The following UBE2E2 variants were observed in gnomAD, a reference collection of about 807,000 sequenced individuals.
UBE2E2 encodes ubiquitin conjugating enzyme E2 E2.
Under a neutral mutation model 24.7 loss-of-function variants are expected in UBE2E2, and 6 were observed. That is an observed-to-expected ratio of 0.24 (90% confidence interval 0.13 to 0.48). The LOEUF (loss-of-function observed/expected upper bound fraction) is 0.48, where lower values mean the gene tolerates loss of function less well. UBE2E2 is among the 20% of genes least tolerant of loss of function. The pLI is 0.99. For missense variants in UBE2E2, 169 were observed against 245.0 expected (o/e 0.69, Z 2.07); for synonymous variants, 104 against 83.6 (o/e 1.24, Z -1.33).
chr3:23,263,617 A>G (rs1420526258), intron 3 of UBE2E2, among the ~76,000 whole-genome samples: 4 of 152,168 alleles, frequency 2.6e-5, no homozygotes, highest in Non-Finnish European at 5.9e-5. Flanking sequence ...AAGAGCTACA[A>G]TGATTTGATG....
intron 2 of UBE2E2, among the ~76,000 whole-genome samples, chr3:23,216,588 G>T (rs569215962): frequency 6.6e-6 from 1 of 152,042 alleles, no homozygotes; most frequent in Admixed American, 6.6e-5. Context: ...AAACAGTGGC[G>T]CACTTTCAGC....
At chr3:23,217,835 A>G (rs1267085830) in intron 3 of UBE2E2, among the ~76,000 whole-genome samples, 2 of 152,110 alleles carry the variant, frequency 1.3e-5, no homozygotes, top group African/African-American at 4.8e-5. Context: ...CTTTATGATC[A>G]TGACCTCGAA....
At chr3:23,299,226 A>G (rs1699002516) in intron 3 of UBE2E2, among the ~76,000 whole-genome samples, 1 of 152,126 alleles carries the variant, frequency 6.6e-6, no homozygotes, top group African/African-American at 2.4e-5. Flanking sequence ...GATGTTTTCA[A>G]AAAACCAGCT....
At chr3:23,531,974 A>G (rs1291640061) in intron 4 of UBE2E2, among the ~76,000 whole-genome samples, 2 of 151,556 alleles carry the variant, frequency 1.3e-5, no homozygotes, top group East Asian at 3.9e-4. Flanking sequence ...AGGCAGGACA[A>G]TCGCTTGAAC....
intron 4 of UBE2E2, among the ~76,000 whole-genome samples, chr3:23,510,263 C>T (rs1469060392): frequency 1.3e-5 from 2 of 151,828 alleles, no homozygotes; most frequent in African/African-American, 4.8e-5. Flanking sequence ...CTTGTCCTGC[C>T]AAAAATAAGG....
chr3:23,223,317 T>G (rs779907213), intron 3 of UBE2E2, among the ~76,000 whole-genome samples: 6 of 151,692 alleles, frequency 4.0e-5, no homozygotes, highest in Non-Finnish European at 7.4e-5. Flanking sequence ...CTCAGCCTCC[T>G]GAATAACTGG....
chr3:23,389,040 A>G (rs547664235), intron 3 of UBE2E2, among the ~76,000 whole-genome samples: 23 of 152,102 alleles, frequency 1.5e-4, no homozygotes, highest in Admixed American at 3.3e-4. Context: ...AGAAAAAAAC[A>G]TAATTCAGCA....
Position 23,228,777 on chromosome 3 carries a change from A to G in UBE2E2, c.227+11465A>G, listed in dbSNP as rs572632204. 7.2e-5 allele frequency among the ~76,000 whole-genome samples: 11 copies of G among 152,330 alleles called. No individual in the cohort carries two copies. In the East Asian group the frequency reaches 2.1e-3, roughly 29 times the overall value. Reference sequence around the variant, plus strand: ...TATATCTCAATCCGTATTTGTGTAGAGGCAGCACTTTCTTCTAAAACGTTT... The same window carrying G: ...TATATCTCAATCCGTATTTGTGTAGGGGCAGCACTTTCTTCTAAAACGTTT... On this transcript the variant is annotated intron_variant, in intron 3 of 5. Transcript: ENST00000396703.
At chr3:23,269,143 G>A (rs1317190453) in intron 3 of UBE2E2, among the ~76,000 whole-genome samples, 1 of 152,100 alleles carries the variant, frequency 6.6e-6, no homozygotes, top group Non-Finnish European at 1.5e-5. Flanking sequence ...ATAGGCATGG[G>A]CAAGGACTTC....
intron 3 of UBE2E2, among the ~76,000 whole-genome samples, chr3:23,330,053 A>C (rs1695017823): frequency 6.6e-6 from 1 of 152,240 alleles, no homozygotes; most frequent in South Asian, 2.1e-4. Flanking sequence ...GCTACCCCAT[A>C]CATTTTAGTA....
intron 3 of UBE2E2, among the ~76,000 whole-genome samples, chr3:23,372,936 G>T (rs191251236): frequency 1.9e-4 from 29 of 152,246 alleles, no homozygotes; most frequent in Middle Eastern, 3.4e-3. Context: ...AATCTGTTAT[G>T]ACTGAGACCA....
intron 3 of UBE2E2, among the ~76,000 whole-genome samples, chr3:23,384,356 G>A (rs1696752909): frequency 6.6e-6 from 1 of 151,394 alleles, no homozygotes; most frequent in African/African-American, 2.4e-5. Flanking sequence ...TAGAGTTGGG[G>A]TTTCTCCATG....
chr3:23,398,924 A>C (rs946749621), intron 3 of UBE2E2, among the ~76,000 whole-genome samples: 2 of 152,192 alleles, frequency 1.3e-5, no homozygotes, highest in Non-Finnish European at 2.9e-5. Flanking sequence ...TTAGATAAAA[A>C]TAAAAACTGT....
chr3:23,371,847 G>A (rs568717486), intron 3 of UBE2E2, among the ~76,000 whole-genome samples: 2 of 152,266 alleles, frequency 1.3e-5, no homozygotes, highest in South Asian at 4.1e-4. Context: ...ACTGGGCACC[G>A]TGGCTTATGT....
At chr3:23,577,329 T>G (rs1234376058) in intron 5 of UBE2E2, among the ~76,000 whole-genome samples, 1 of 129,640 alleles carries the variant, frequency 7.7e-6, no homozygotes, top group Non-Finnish European at 1.6e-5. Context: ...CAGGAATGAT[T>G]TAAAAAAAAA....
At chr3:23,576,921 G>GT (rs35902301) in intron 5 of UBE2E2, among the ~76,000 whole-genome samples, 46,169 of 146,918 alleles carry the variant, frequency 0.31, 7,754 homozygotes, top group East Asian at 0.49. Context: ...TGTTGTTATT[G>GT]TTTTTTTTTT....
At chr3:23,358,067 C>G (rs769258287) in intron 3 of UBE2E2, among the ~76,000 whole-genome samples, 16 of 152,268 alleles carry the variant, frequency 1.1e-4, no homozygotes, top group South Asian at 1.0e-3. Flanking sequence ...AGCTCTTGGG[C>G]TTGAGTGATC....
intron 3 of UBE2E2, among the ~76,000 whole-genome samples, chr3:23,321,238 G>C (rs1283309568): frequency 6.6e-6 from 1 of 152,178 alleles, no homozygotes; most frequent in East Asian, 1.9e-4. Flanking sequence ...TACAGATTTG[G>C]GAAGGGGATT....
At chr3:23,224,509 T>G (rs1462599496) in intron 3 of UBE2E2, among the ~76,000 whole-genome samples, 1 of 151,682 alleles carries the variant, frequency 6.6e-6, no homozygotes, top group East Asian at 1.9e-4. Flanking sequence ...TGATTTTGCA[T>G]TCTACAACTT....
Sources: allele counts gnomAD v4.1 joint callset (sites outside exome capture counted in the v4.1 genomes callset), GRCh38; gene constraint gnomAD v4.1.1; transcripts MANE v1.5; gene names NCBI Gene and HGNC (gene_info 2026-07-23, HGNC 2026-07-21).